The following GRM5 variants were observed in gnomAD, a reference collection of about 807,000 sequenced individuals.
The protein encoded by GRM5 is metabotropic glutamate receptor 5.
GRM5 carries 19 observed loss-of-function variants against 83.1 expected under a neutral mutation model. The observed-to-expected ratio is 0.23, with a 90% CI of 0.16 to 0.34. The LOEUF (loss-of-function observed/expected upper bound fraction) is 0.34. Ranked by LOEUF, GRM5 falls within the 10% of genes least tolerant of loss-of-function variation. GRM5 has a pLI of 1.00. For synonymous variants in GRM5, 675 were observed against 633.6 expected (o/e 1.07, Z -0.98); for missense variants, 1,160 against 1,588.3 (o/e 0.73, Z 4.58).
rs376329748 is a variant in GRM5, at chr11:88,845,595, G to A, written c.911+4311C>T. Among the ~76,000 whole-genome samples the A allele has an allele frequency of 3.2e-3, 482 of 151,692 alleles. 4 individuals are homozygous for A. The highest frequency in any genetic ancestry group is 0.011 in the African/African-American group (441 of 41,350). On this transcript the variant is annotated intron_variant, in intron 3 of 9. Transcript: ENST00000305447. The stretch of plus-strand genomic sequence containing the variant: ...ACTACAGGCGCACGCCGCGACACCC[G>A]GCTACTTTTTTGTATTTTTAGTAGA...
At chr11:88,841,369 C>A (rs1000224762) in intron 3 of GRM5, among the ~76,000 whole-genome samples, 1 of 152,168 alleles carries the variant, frequency 6.6e-6, no homozygotes, top group African/African-American at 2.4e-5. Context: ...CCTTTGCTAA[C>A]ACTAAATTCT....
intron 2 of GRM5, among the ~76,000 whole-genome samples, chr11:88,864,491 G>C (rs1944625465): frequency 6.6e-6 from 1 of 151,902 alleles, no homozygotes; most frequent in South Asian, 2.1e-4. Flanking sequence ...TTGTTGTGTA[G>C]GAATGCTTGT....
At chr11:88,890,127 C>CCACATCCG (rs1945118443) in intron 2 of GRM5, among the ~76,000 whole-genome samples, 1 of 152,048 alleles carries the variant, frequency 6.6e-6, no homozygotes, top group Non-Finnish European at 1.5e-5. Context: ...CCCCACATCC[C>CCACATCCG]CACATCCCCA....
intron 2 of GRM5, among the ~76,000 whole-genome samples, chr11:88,899,921 G>A (rs1348463917): frequency 6.6e-6 from 1 of 152,044 alleles, no homozygotes; most frequent in East Asian, 1.9e-4. Flanking sequence ...ATTTGAGTTT[G>A]ATTCACTCAC....
At chr11:88,776,633 G>A (rs1319059007) in intron 3 of GRM5, among the ~76,000 whole-genome samples, 1 of 152,144 alleles carries the variant, frequency 6.6e-6, no homozygotes, top group Non-Finnish European at 1.5e-5. Context: ...ACGCAGGCCT[G>A]GTGGTGACAA....
intron 3 of GRM5, among the ~76,000 whole-genome samples, chr11:88,732,836 C>T (rs1465922380): frequency 6.6e-6 from 1 of 151,976 alleles, no homozygotes; most frequent in Admixed American, 6.6e-5. Context: ...AGAAATCATT[C>T]TGCCCTAGAG....
intron 4 of GRM5, among the ~76,000 whole-genome samples, chr11:88,608,254 G>A (rs1048492025): frequency 6.6e-6 from 1 of 152,076 alleles, no homozygotes; most frequent in Non-Finnish European, 1.5e-5. Context: ...AGTGCATGGT[G>A]AGCTTGCTTC....
intron 3 of GRM5, among the ~76,000 whole-genome samples, chr11:88,741,268 A>G (rs139966983): frequency 6.6e-6 from 1 of 152,148 alleles, no homozygotes; most frequent in East Asian, 1.9e-4. Flanking sequence ...GCAAAAATTC[A>G]CTTTTGCAAC....
At chr11:88,729,066 A>G (rs1322364236) in intron 3 of GRM5, among the ~76,000 whole-genome samples, 1 of 152,212 alleles carries the variant, frequency 6.6e-6, no homozygotes, top group African/African-American at 2.4e-5. Flanking sequence ...TCAAATAGGT[A>G]GAGAGGAAGT....
intron 2 of GRM5, among the ~76,000 whole-genome samples, chr11:88,886,879 T>C (rs1193489636): frequency 6.6e-6 from 1 of 152,110 alleles, no homozygotes; most frequent in Non-Finnish European, 1.5e-5. Flanking sequence ...GCGATATAGC[T>C]CAAGGGAAGG....
intron 3 of GRM5, among the ~76,000 whole-genome samples, chr11:88,689,822 T>C (rs546832658): frequency 2.0e-5 from 3 of 152,300 alleles, no homozygotes; most frequent in Admixed American, 6.5e-5. Flanking sequence ...AGCATAGCGA[T>C]ACGAATAACC....
At chr11:88,979,835 C>A (rs965934267) in intron 2 of GRM5, among the ~76,000 whole-genome samples, 3 of 152,040 alleles carry the variant, frequency 2.0e-5, no homozygotes, top group African/African-American at 7.2e-5. Flanking sequence ...AGTAACTGAG[C>A]AGACATGTGA....
chr11:88,510,696 A>G (rs1009460312), intron 9 of GRM5, among the ~76,000 whole-genome samples: 5 of 152,172 alleles, frequency 3.3e-5, no homozygotes, highest in African/African-American at 1.2e-4. Flanking sequence ...TTGTATTTTT[A>G]GTAGATACGG....
intron 1 of GRM5, among the ~76,000 whole-genome samples, chr11:89,056,482 C>G (rs1941877943): frequency 6.6e-6 from 1 of 152,110 alleles, no homozygotes; most frequent in Non-Finnish European, 1.5e-5. Flanking sequence ...GCGTAAAGAG[C>G]CTTTTTTCAT....
chr11:88,988,532 A>T (rs1273545701), intron 2 of GRM5, among the ~76,000 whole-genome samples: 1 of 152,032 alleles, frequency 6.6e-6, no homozygotes, highest in African/African-American at 2.4e-5. Flanking sequence ...ACTCCTCGAG[A>T]AGAGCAACTC....
chr11:88,732,000 C>G (rs1000846663), intron 3 of GRM5, among the ~76,000 whole-genome samples: 2 of 151,966 alleles, frequency 1.3e-5, no homozygotes, highest in Non-Finnish European at 2.9e-5. Context: ...TGTCCAGAGT[C>G]TCTTGGATTA....
chr11:88,617,954 A>G (rs1364389308), intron 4 of GRM5, among the ~76,000 whole-genome samples: 1 of 152,184 alleles, frequency 6.6e-6, no homozygotes, highest in African/African-American at 2.4e-5. Flanking sequence ...GTCCTATAGC[A>G]TTGAGTATGA....
chr11:88,990,939 T>G (rs1423035770), intron 2 of GRM5, among the ~76,000 whole-genome samples: 1 of 152,184 alleles, frequency 6.6e-6, no homozygotes, highest in East Asian at 1.9e-4. Flanking sequence ...AGCATTCCCT[T>G]TGAAAACTGG....
At chr11:88,734,291 T>A (rs1941865394) in intron 3 of GRM5, among the ~76,000 whole-genome samples, 1 of 151,994 alleles carries the variant, frequency 6.6e-6, no homozygotes, top group Non-Finnish European at 1.5e-5. Context: ...TACAATAAGA[T>A]ATCATCTCAC....
Sources: gnomAD v4.1 joint callset for allele counts (sites outside exome capture counted in the v4.1 genomes callset) on GRCh38, gnomAD v4.1.1 for gene constraint, MANE v1.5 for transcripts, NCBI Gene and HGNC (gene_info 2026-07-23, HGNC 2026-07-21) for gene names.